GPR149: variants seen among roughly 807,000 people sequenced by gnomAD.
GPR149 encodes probable G protein-coupled receptor 149.
GPR149 carries 50 observed loss-of-function variants against 50.2 expected under a neutral mutation model. The observed-to-expected ratio is 1.00, with a 90% CI of 0.79 to 1.26. GPR149 has a LOEUF of 1.26. Among genes scored for constraint, GPR149 ranks in the 50% most tolerant of loss-of-function variants. The pLI is 0.00. For missense variants in GPR149, 983 were observed against 895.4 expected (o/e 1.10, Z -1.25); for synonymous variants, 405 against 358.2 (o/e 1.13, Z -1.48).
intron 3 of GPR149, among the ~76,000 whole-genome samples, chr3:154,340,443 T>C (rs1713764420): frequency 6.6e-6 from 1 of 152,226 alleles, no homozygotes; most frequent in South Asian, 2.1e-4. Flanking sequence ...AGAAGTAGGT[T>C]TCATTCCTAT....
chr3:154,384,338 G>T (rs997301319), intron 3 of GPR149, among the ~76,000 whole-genome samples: 4 of 152,120 alleles, frequency 2.6e-5, no homozygotes, highest in South Asian at 2.1e-4. Context: ...CAAGACCAAG[G>T]TTATTTGCCT....
intron 3 of GPR149, among the ~76,000 whole-genome samples, chr3:154,358,746 C>A (rs552255181): frequency 6.6e-6 from 1 of 152,240 alleles, no homozygotes; most frequent in South Asian, 2.1e-4. Context: ...TTATACACTT[C>A]TAATTTATAC....
intron 3 of GPR149, among the ~76,000 whole-genome samples, chr3:154,374,924 C>A (rs756670775): frequency 1.1e-4 from 17 of 152,134 alleles, no homozygotes; most frequent in Non-Finnish European, 2.5e-4. Context: ...CTCTGGCTAG[C>A]CTTCCAAGCT....
intron 3 of GPR149, among the ~76,000 whole-genome samples, chr3:154,356,033 A>C (rs1559972672): frequency 1.3e-5 from 2 of 152,210 alleles, no homozygotes; most frequent in African/African-American, 4.8e-5. Context: ...TAGAGTAGGC[A>C]GTGTCCTAGG....
chr3:154,415,664 A>G lies in GPR149; in HGVS notation c.1623+5375T>C, dbSNP rs189852641. Among the ~76,000 whole-genome samples the G allele has an allele frequency of 1.1e-4, 17 of 152,076 alleles. No homozygotes were observed. In the East Asian group the frequency reaches 2.3e-3, roughly 21 times the overall value. ...AAGTAAAAATATATGCATAGAAAAC[A>G]GCCAGATATTTTATACAACAAAATG... On this transcript the variant is annotated intron_variant, in intron 3 of 3. Coordinates refer to ENST00000389740, the MANE Select transcript of GPR149 (RefSeq NM_001038705.3).
chr3:154,417,975 A>G (rs914217689), intron 3 of GPR149, among the ~76,000 whole-genome samples: 33 of 151,980 alleles, frequency 2.2e-4, no homozygotes, highest in Non-Finnish European at 4.4e-5. Context: ...CAAGAAAAAA[A>G]CAAACAACCC....
intron 3 of GPR149, among the ~76,000 whole-genome samples, chr3:154,414,196 A>T (rs188111928): frequency 1.3e-5 from 2 of 152,088 alleles, no homozygotes; most frequent in African/African-American, 4.8e-5. Context: ...AAGACTGCAC[A>T]TTGGGTACAG....
rs1206025062 is a variant in GPR149, at chr3:154,429,509, A to G, written c.107T>C (p.Leu36Pro). ...LNPPGTLNIY[L>P]FCLTCLMTFA... is the part of the protein sequence containing the mutation. ...AGTCATGAGACATGTCAAGCAAAAA[A>G]GATAGATATTCAGGGTTCCTGGCGG... The change falls in exon 1 of 4, where the codon CTT becomes CCT. Residue 36 changes from leucine to proline, a missense_variant. Leu to Pro is a moderately conservative substitution (Grantham distance 98). Transcript: ENST00000389740. 2 of 1,614,100 alleles carry G rather than the reference A, an allele frequency of 1.2e-6. No individual in the cohort carries two copies. The highest frequency in any genetic ancestry group is 1.7e-6 in the Non-Finnish European group (2 of 1,180,052).
At chr3:154,359,202 TTATGCC>T (rs1714323188) in intron 3 of GPR149, among the ~76,000 whole-genome samples, 1 of 152,202 alleles carries the variant, frequency 6.6e-6, no homozygotes, top group Non-Finnish European at 1.5e-5. Context: ...AGTTTAATAT[TTATGCC>T]TTAAAAACAT....
intron 2 of GPR149, among the ~76,000 whole-genome samples, chr3:154,426,125 A>G (rs563175200): frequency 7.9e-5 from 12 of 152,286 alleles, no homozygotes; most frequent in African/African-American, 2.6e-4. Context: ...ATAAGGGTTT[A>G]TTATTAATTT....
Position 154,338,108 on chromosome 3 carries a change from C to G in GPR149, c.1787G>C (p.Ser596Thr). Reference protein sequence around the residue: ...SKKIEVYRSKSVGHEPNSEDS... With the variant: ...SKKIEVYRSKTVGHEPNSEDS... ...TTCTGAGTTTGGTTCATGGCCAACA[C>G]TTTTGGATCGATAGACTTCTATTTT... is the stretch of plus-strand genomic sequence containing the variant. The change falls in exon 4 of 4, where the codon AGT (serine) becomes ACT (threonine). Residue 596 changes from serine to threonine, a missense_variant. Physicochemically the swap from Ser to Thr is moderately conservative, Grantham distance 58. Coordinates refer to ENST00000389740, the MANE Select transcript of GPR149 (RefSeq NM_001038705.3). 2 of 1,614,142 alleles carry G rather than the reference C, an allele frequency of 1.2e-6. No homozygotes were observed. The highest frequency in any genetic ancestry group is 1.7e-6 in the Non-Finnish European group (2 of 1,180,022).
At chr3:154,352,921 G>A (rs1323071409) in intron 3 of GPR149, 17 of 874,662 alleles carry the variant, frequency 1.9e-5, no homozygotes, top group East Asian at 1.9e-4. Context: ...CGATGGATAC[G>A]GGCCTCAACA....
intron 3 of GPR149, among the ~76,000 whole-genome samples, chr3:154,357,633 G>A (rs1375038819): frequency 6.6e-6 from 1 of 152,152 alleles, no homozygotes; most frequent in Admixed American, 6.5e-5. Flanking sequence ...TAAAAAGTCA[G>A]GAAACAACAG....
chr3:154,423,649 G>C (rs1375276794), intron 2 of GPR149, among the ~76,000 whole-genome samples: 4 of 151,640 alleles, frequency 2.6e-5, no homozygotes, highest in Non-Finnish European at 4.4e-5. Flanking sequence ...GGTTGTAAGG[G>C]GGCGAATCCC....
At chr3:154,427,342 T>C (rs886310989) in intron 2 of GPR149, among the ~76,000 whole-genome samples, 174 bp downstream of exon 2, 1 of 152,146 alleles carries the variant, frequency 6.6e-6, no homozygotes, top group Admixed American at 6.5e-5. Flanking sequence ...ATTTAAAATC[T>C]ACCCCCAAAC....
At chr3:154,372,768 A>T (rs968854157) in intron 3 of GPR149, among the ~76,000 whole-genome samples, 48 of 152,192 alleles carry the variant, frequency 3.2e-4, no homozygotes, top group Non-Finnish European at 2.9e-5. Flanking sequence ...GGATTTGGTC[A>T]CTGCTTTGAT....
At chr3:154,398,463 T>C (rs1715345135) in intron 3 of GPR149, among the ~76,000 whole-genome samples, 1 of 152,194 alleles carries the variant, frequency 6.6e-6, no homozygotes, top group South Asian at 2.1e-4. Flanking sequence ...ATTTTAATGG[T>C]CTTTTATCCT....
chr3:154,345,733 A>G (rs1211744607), intron 3 of GPR149, among the ~76,000 whole-genome samples: 1 of 152,220 alleles, frequency 6.6e-6, no homozygotes, highest in Non-Finnish European at 1.5e-5. Context: ...TAATATAAAA[A>G]GAGTTGCAGC....
chr3:154,377,098 T>C (rs1400239571), intron 3 of GPR149, among the ~76,000 whole-genome samples: 1 of 145,586 alleles, frequency 6.9e-6, no homozygotes, highest in Non-Finnish European at 1.5e-5. Context: ...GGGTAGAGGA[T>C]AGTAGAAAAT....
Sources: gnomAD v4.1 joint callset for allele counts (sites outside exome capture counted in the v4.1 genomes callset) on GRCh38, gnomAD v4.1.1 for gene constraint, MANE v1.5 for transcripts, NCBI Gene and HGNC (gene_info 2026-07-23, HGNC 2026-07-21) for gene names.